Variants in C8orf34 observed in about 807,000 individuals in gnomAD.
C8orf34 encodes the protein uncharacterized protein C8orf34.
C8orf34 carries 65 observed loss-of-function variants against 68.3 expected under a neutral mutation model. The ratio of observed to expected loss-of-function variants is 0.95; its 90% CI spans 0.78 to 1.17. C8orf34 has a LOEUF of 1.17. Ranked by LOEUF, C8orf34 falls within the 50% of genes most tolerant of loss-of-function variation. The pLI, the probability that C8orf34 is intolerant of heterozygous loss-of-function variation, is 0.00. For synonymous variants in C8orf34, 244 were observed against 241.2 expected (o/e 1.01, Z -0.11); for missense variants, 664 against 655.4 (o/e 1.01, Z -0.14).
intron 7 of C8orf34, among the ~76,000 whole-genome samples, chr8:68,610,677 G>A (rs531321898): frequency 1.3e-4 from 20 of 152,098 alleles, no homozygotes; most frequent in South Asian, 4.2e-4. Context: ...GCCTTTCTCC[G>A]TTTTTAAGTT....
At position 68,787,527 on chromosome 8, in the gene C8orf34, C is replaced by G; in HGVS notation, c.1540C>G (p.Gln514Glu). ...AGAAAGTGAAGGAGTGGAAGCAGAA[C>G]AAGAGAAACGTGAGTAGACACTATT... ...DTESEGVEAE[Q>E]EKRSADLLLC... The change falls in exon 12 of 14, where the codon CAA becomes GAA. Residue 514 changes from glutamine to glutamate, a missense_variant. Physicochemically the swap from Gln to Glu is conservative, Grantham distance 29. Coordinates refer to ENST00000518698, the MANE Select transcript of C8orf34 (RefSeq NM_052958.4). 6.2e-7 allele frequency: 1 copy of G among 1,604,772 alleles called. No individual in the cohort carries two copies. Among genetic ancestry groups the G allele is most frequent in the Non-Finnish European group, 8.5e-7 (1 of 1,174,090 alleles).
chr8:68,361,004 C>T (rs996791689), intron 1 of C8orf34, among the ~76,000 whole-genome samples: 1 of 152,080 alleles, frequency 6.6e-6, no homozygotes, highest in African/African-American at 2.4e-5. Context: ...ATCCACCCAC[C>T]TTGGCCTCTG....
chr8:68,689,888 C>A (rs529664412), intron 8 of C8orf34, among the ~76,000 whole-genome samples: 1 of 151,978 alleles, frequency 6.6e-6, no homozygotes, highest in Non-Finnish European at 1.5e-5. Flanking sequence ...TGCTTAAGGT[C>A]AAAAGCCTAT....
intron 7 of C8orf34, among the ~76,000 whole-genome samples, chr8:68,582,349 T>C (rs1449285484): frequency 6.6e-6 from 1 of 152,142 alleles, no homozygotes; most frequent in Non-Finnish European, 1.5e-5. Context: ...TATAGGATAT[T>C]ACCCCTCTGG....
At chr8:68,446,043 C>T (rs996795559) in intron 2 of C8orf34, among the ~76,000 whole-genome samples, 2 of 152,140 alleles carry the variant, frequency 1.3e-5, no homozygotes, top group African/African-American at 4.8e-5. Context: ...CCACCTTGGC[C>T]TCCCAAAGTG....
At chr8:68,472,057 C>A (rs1295929073) in intron 4 of C8orf34, among the ~76,000 whole-genome samples, 1 of 151,742 alleles carries the variant, frequency 6.6e-6, no homozygotes, top group Non-Finnish European at 1.5e-5. Context: ...CTTTTTCTGG[C>A]TTTTTTTCAA....
chr8:68,408,035 G>A (rs1043279954), intron 1 of C8orf34, among the ~76,000 whole-genome samples: 1 of 152,128 alleles, frequency 6.6e-6, no homozygotes, highest in African/African-American at 2.4e-5. Context: ...CAGGAGGTGA[G>A]TGGTGGGCAA....
At chr8:68,650,373 G>A (rs1386523477) in intron 8 of C8orf34, among the ~76,000 whole-genome samples, 1 of 152,052 alleles carries the variant, frequency 6.6e-6, no homozygotes, top group Non-Finnish European at 1.5e-5. Context: ...TTTTATAAAT[G>A]AGTTTGAGGG....
chr8:68,538,869 G>A (rs1340283248), intron 7 of C8orf34, among the ~76,000 whole-genome samples: 1 of 152,000 alleles, frequency 6.6e-6, no homozygotes, highest in East Asian at 1.9e-4. Context: ...ATAATTCCTA[G>A]GAGGAAAAGA....
At chr8:68,350,844 A>G (rs1440847778) in intron 1 of C8orf34, among the ~76,000 whole-genome samples, 1 of 151,982 alleles carries the variant, frequency 6.6e-6, no homozygotes, top group Non-Finnish European at 1.5e-5. Flanking sequence ...TTTTGAGCCT[A>G]TGAATGTCAT....
At chr8:68,379,322 T>C (rs543866191) in intron 1 of C8orf34, among the ~76,000 whole-genome samples, 107 of 152,332 alleles carry the variant, frequency 7.0e-4, no homozygotes, top group African/African-American at 2.5e-3. Flanking sequence ...ACTTCCTTCC[T>C]GGTGGCAAGA....
intron 7 of C8orf34, among the ~76,000 whole-genome samples, chr8:68,599,246 A>G (rs1176515130): frequency 6.6e-6 from 1 of 152,084 alleles, no homozygotes; most frequent in East Asian, 1.9e-4. Flanking sequence ...CTTAAATAAT[A>G]TATATCATGC....
chr8:68,733,375 G>T (rs1418737702), intron 10 of C8orf34, among the ~76,000 whole-genome samples: 1 of 152,098 alleles, frequency 6.6e-6, no homozygotes, highest in Non-Finnish European at 1.5e-5. Flanking sequence ...CCAAATGTAG[G>T]CTGCACTAAG....
At chr8:68,352,288 T>C (rs1482488600) in intron 1 of C8orf34, among the ~76,000 whole-genome samples, 1 of 152,078 alleles carries the variant, frequency 6.6e-6, no homozygotes, top group African/African-American at 2.4e-5. Context: ...AGTTACATTA[T>C]TATATTAAAA....
At chr8:68,403,054 G>T (rs549909458) in intron 1 of C8orf34, among the ~76,000 whole-genome samples, 1 of 152,304 alleles carries the variant, frequency 6.6e-6, no homozygotes, top group East Asian at 1.9e-4. Context: ...AATTCATGCA[G>T]TGCTGTGCTT....
chr8:68,574,706 A>G (rs1284366578), intron 7 of C8orf34, among the ~76,000 whole-genome samples: 1 of 152,086 alleles, frequency 6.6e-6, no homozygotes, highest in Admixed American at 6.6e-5. Context: ...AAACACATGC[A>G]TAAGAGGTTA....
At chr8:68,487,442 T>A (rs1044984548) in intron 4 of C8orf34, among the ~76,000 whole-genome samples, 1 of 134,278 alleles carries the variant, frequency 7.4e-6, no homozygotes, top group African/African-American at 2.9e-5. Flanking sequence ...ATTATACTGA[T>A]GTGCAGTGAG....
intron 7 of C8orf34, chr8:68,533,635 A>G (rs1269943758): frequency 1.0e-5 from 10 of 984,450 alleles, no homozygotes; most frequent in African/African-American, 1.7e-5. Flanking sequence ...AAATGACGGG[A>G]AAGTTTGCAG....
chr8:68,750,280 ATAGAG>A (rs1822664969), intron 10 of C8orf34, among the ~76,000 whole-genome samples: 1 of 152,134 alleles, frequency 6.6e-6, no homozygotes, highest in African/African-American at 2.4e-5. Context: ...GTCATAAGAA[ATAGAG>A]TTCTATTGCA....
Sources: allele counts gnomAD v4.1 joint callset (sites outside exome capture counted in the v4.1 genomes callset), GRCh38; gene constraint gnomAD v4.1.1; transcripts MANE v1.5; gene names NCBI Gene and HGNC (gene_info 2026-07-23, HGNC 2026-07-21).